CDC73: variants seen among roughly 807,000 people sequenced by gnomAD.
CDC73 encodes cell division cycle 73, also known as parafibromin.
CDC73 carries 21 observed loss-of-function variants against 83.7 expected under a neutral mutation model. The observed-to-expected ratio is 0.25, with a 90% CI of 0.18 to 0.36. The LOEUF (loss-of-function observed/expected upper bound fraction) is 0.36. Among genes scored for constraint, CDC73 ranks in the 10% least tolerant of loss-of-function variants. The probability of loss-of-function intolerance (pLI) is 1.00; values close to 1 mark genes in which losing one functional copy is unlikely to be tolerated. For synonymous variants in CDC73, 224 were observed against 212.9 expected (o/e 1.05, Z -0.45); for missense variants, 342 against 653.3 (o/e 0.52, Z 5.19).
chr1:193,243,034 C>T (rs964807822), intron 15 of CDC73, among the ~76,000 whole-genome samples: 3 of 151,336 alleles, frequency 2.0e-5, no homozygotes, highest in African/African-American at 4.9e-5. Flanking sequence ...CTCCCTGCAA[C>T]CCCCAGGTTC....
intron 15 of CDC73, among the ~76,000 whole-genome samples, chr1:193,242,006 A>G (rs1677870630): frequency 6.6e-6 from 1 of 151,830 alleles, no homozygotes; most frequent in Non-Finnish European, 1.5e-5. Context: ...GATTGGGAGA[A>G]TCTGTCCTCA....
At chr1:193,244,325 T>TTGTAAACTTTCCAG (rs759951967) in intron 15 of CDC73, among the ~76,000 whole-genome samples, 10 of 152,370 alleles carry the variant, frequency 6.6e-5, no homozygotes, top group Middle Eastern at 3.4e-3. Flanking sequence ...CACCTTCTTC[T>TTGTAAACTTTCCAG]TGTAAACTTT....
intron 13 of CDC73, among the ~76,000 whole-genome samples, chr1:193,225,887 G>A (rs761236758): frequency 5.3e-5 from 8 of 152,128 alleles, no homozygotes; most frequent in African/African-American, 1.9e-4. Context: ...TCCTTTTGCC[G>A]TGCAAAAGCT....
chr1:193,239,339 A>G (rs1677818583), intron 15 of CDC73, among the ~76,000 whole-genome samples: 1 of 152,022 alleles, frequency 6.6e-6, no homozygotes, highest in African/African-American at 2.4e-5. Context: ...TGTTTTCTCC[A>G]TCAGATTACA....
intron 9 of CDC73, among the ~76,000 whole-genome samples, chr1:193,151,985 T>C (rs1457102415): frequency 2.6e-5 from 4 of 152,196 alleles, no homozygotes. Flanking sequence ...ATATGCCTTA[T>C]GACTGAAACT....
At chr1:193,175,287 A>G (rs910360598) in intron 10 of CDC73, among the ~76,000 whole-genome samples, 2 of 152,214 alleles carry the variant, frequency 1.3e-5, no homozygotes, top group Non-Finnish European at 2.9e-5. Flanking sequence ...GTAGTTAAAA[A>G]ATGAGTGATG....
At chr1:193,126,435 T>C (rs1675575457) in intron 2 of CDC73, among the ~76,000 whole-genome samples, 1 of 152,190 alleles carries the variant, frequency 6.6e-6, no homozygotes, top group African/African-American at 2.4e-5. Context: ...GAAGTATCAT[T>C]AAGACCTAAA....
intron 2 of CDC73, among the ~76,000 whole-genome samples, chr1:193,128,624 A>G (rs1307350420): frequency 6.6e-6 from 1 of 152,194 alleles, no homozygotes; most frequent in Admixed American, 6.5e-5. Flanking sequence ...TTAAAAGAAT[A>G]CAAGCACAAA....
intron 6 of CDC73, among the ~76,000 whole-genome samples, chr1:193,140,545 C>G (rs537559351): frequency 9.9e-5 from 15 of 152,160 alleles, no homozygotes; most frequent in Non-Finnish European, 2.2e-4. Context: ...CATCACTACT[C>G]TTGTGTTTTG....
intron 10 of CDC73, among the ~76,000 whole-genome samples, chr1:193,170,412 A>G (rs12145609): frequency 0.031 from 4,653 of 152,272 alleles, 84 homozygotes; most frequent in Non-Finnish European, 0.045. Context: ...ACTTTCATCA[A>G]CAATGTGTAA....
At chr1:193,189,780 A>C (rs868049324) in intron 10 of CDC73, among the ~76,000 whole-genome samples, 1 of 152,214 alleles carries the variant, frequency 6.6e-6, no homozygotes, top group East Asian at 1.9e-4. Flanking sequence ...TTTTGTATTC[A>C]TGTAGTTAAT....
At chr1:193,129,438 T>G (rs529071790) in intron 2 of CDC73, among the ~76,000 whole-genome samples, 1 of 151,942 alleles carries the variant, frequency 6.6e-6, no homozygotes, top group East Asian at 1.9e-4. Context: ...GGTCATTGCT[T>G]TATTTCTAAT....
intron 10 of CDC73, among the ~76,000 whole-genome samples, chr1:193,177,403 A>G (rs1400527297): frequency 6.9e-6 from 1 of 144,870 alleles, no homozygotes; most frequent in Non-Finnish European, 1.5e-5. Flanking sequence ...GGTGGCAGGC[A>G]CCTGTAGTCC....
rs1678088978 is a variant in CDC73 at position 193,253,879 on chromosome 1, A to T, written c.*3167A>T. 4.5e-6 allele frequency: 1 copy of T among 224,512 alleles called. No individual in the cohort carries two copies. Among genetic ancestry groups the T allele is most frequent in the Non-Finnish European group, 8.9e-6 (1 of 112,924 alleles). 13.9% of individuals were successfully genotyped at this position (224,512 alleles called of 1,614,324 possible). A position where few individuals can be genotyped will look rare whatever the true frequency, so the allele number is the denominator to read the frequency against. Reference sequence around the variant, plus strand: ...GAGGGAATATTTTTCCTAAATAAAAATTTTTCTGACTGCTAACAAAAATTA... The same window carrying T: ...GAGGGAATATTTTTCCTAAATAAAATTTTTTCTGACTGCTAACAAAAATTA... On this transcript the variant is annotated 3_prime_UTR_variant, in exon 17 of 17. Transcript: ENST00000367435.
chr1:193,244,532 A>G (rs1445055894), intron 15 of CDC73, among the ~76,000 whole-genome samples: 2 of 152,208 alleles, frequency 1.3e-5, no homozygotes, highest in Non-Finnish European at 2.9e-5. Flanking sequence ...TGGCCTACAT[A>G]GTGAGACCCT....
intron 10 of CDC73, among the ~76,000 whole-genome samples, chr1:193,190,245 T>C (rs1201751579): frequency 6.6e-6 from 1 of 152,226 alleles, no homozygotes; most frequent in Non-Finnish European, 1.5e-5. Context: ...CCAATTTTAG[T>C]TTTATTGAGA....
At position 193,122,033 on chromosome 1, in the gene CDC73, T is replaced by C. The variant is rs1675455546; in HGVS notation, c.-168T>C. 1 of 652,868 alleles carries C rather than the reference T, an allele frequency of 1.5e-6. No individual in the cohort carries two copies. Among genetic ancestry groups the C allele is most frequent in the East Asian group, 2.8e-5 (1 of 35,778 alleles). The allele number at this position is 652,868 out of a possible 1,614,324, so 40.4% of individuals were successfully genotyped here. A position where few individuals can be genotyped will look rare whatever the true frequency, so the allele number is the denominator to read the frequency against. ...CGGGGTCCTCGGCGGCCTGGGTGGC[T>C]ACTGCCCCTGCTGCTGTCGTAGGCG... On this transcript the variant is annotated 5_prime_UTR_variant, in exon 1 of 17. Transcript: ENST00000367435.
chr1:193,229,071 A>T (rs902696378), intron 13 of CDC73, among the ~76,000 whole-genome samples: 1 of 152,202 alleles, frequency 6.6e-6, no homozygotes, highest in African/African-American at 2.4e-5. Flanking sequence ...ATACTATTTC[A>T]CATACCCATT....
chr1:193,241,506 G>A (rs1003668973), intron 15 of CDC73, among the ~76,000 whole-genome samples: 5 of 152,222 alleles, frequency 3.3e-5, no homozygotes, highest in African/African-American at 7.2e-5. Context: ...AGCCTGGAGG[G>A]TGAGCAGGTC....
Sources: gnomAD v4.1 joint callset for allele counts (sites outside exome capture counted in the v4.1 genomes callset) on GRCh38, gnomAD v4.1.1 for gene constraint, MANE v1.5 for transcripts, NCBI Gene and HGNC (gene_info 2026-07-23, HGNC 2026-07-21) for gene names.